Variants in BLK observed in about 807,000 individuals in gnomAD.
The protein encoded by BLK is tyrosine-protein kinase Blk.
A neutral mutation model predicts 61.8 loss-of-function variants in BLK; 64 were observed. The observed-to-expected ratio is 1.03, with a 90% CI of 0.85 to 1.27. The LOEUF is 1.27. Among genes scored for constraint, BLK ranks in the 50% most tolerant of loss-of-function variants. BLK has a pLI of 0.00. For synonymous variants in BLK, 351 were observed against 272.0 expected (o/e 1.29, Z -2.86); for missense variants, 853 against 660.5 (o/e 1.29, Z -3.19).
chr8:11,553,019 TACAC>T (rs755119398), intron 6 of BLK: 1 of 158,902 alleles, frequency 6.3e-6, no homozygotes, highest in Non-Finnish European at 1.4e-5. Context: ...CATGCACATA[TACAC>T]ACACACGCAC....
In BLK at chr8:11,505,126, C is replaced by T. The variant is rs7813169; in HGVS notation, c.-2+10535C>T. Among the ~76,000 whole-genome samples, 284 of 152,274 alleles carry T rather than the reference C, an allele frequency of 1.9e-3. 3 individuals are homozygous for T. The highest frequency in any genetic ancestry group is 6.7e-3 in the African/African-American group (278 of 41,554). On this transcript the variant is annotated intron_variant, in intron 1 of 12. Transcript: ENST00000259089. ...TACACAGGCACACATACAGGTACAT[C>T]TACATGCTTATCAAAAACAACAGCA...
In BLK at chr8:11,551,349, G is replaced by A. The variant is rs544571901; in HGVS notation, c.472+1087G>A. On this transcript the variant is annotated intron_variant, in intron 6 of 12. Coordinates refer to ENST00000259089, the MANE Select transcript of BLK (RefSeq NM_001715.3). The stretch of plus-strand genomic sequence containing the variant: ...CTCTCTCCTTGGCTTGCCGATGGCC[G>A]TCTTCTCTGTGTCCTCACGTGGCCG... Among the ~76,000 whole-genome samples, 20 of 152,272 alleles carry A rather than the reference G, an allele frequency of 1.3e-4. 1 individual carries two copies. The South Asian group carries it at 2.7e-3, about 21-fold the overall frequency.
In BLK at chr8:11,549,010, C is replaced by T. The variant is rs1585398059; in HGVS notation, c.270-14C>T. 1 of 1,598,860 alleles carries T rather than the reference C, an allele frequency of 6.3e-7. No homozygotes were observed. On this transcript the variant is annotated splice_polypyrimidine_tract_variant and intron_variant, in intron 4 of 12. Coordinates refer to ENST00000259089, the MANE Select transcript of BLK (RefSeq NM_001715.3). ...GGGCCATGATCTCATCTCTGTTTCC[C>T]CTGCTCCCATTAGAACTGGAGACTG...
Position 11,562,927 on chromosome 8 carries a change from G to A in BLK, c.1181-52G>A, listed in dbSNP as rs1309608344. On this transcript the variant is annotated intron_variant, in intron 11 of 12. Transcript: ENST00000259089. ...AGCAGGGGTAGGGGTGAGGATGGAGGGTAGGGGCCACCGGCCGTGGCCTCC... is the reference window on the plus strand; with the variant it reads ...AGCAGGGGTAGGGGTGAGGATGGAGAGTAGGGGCCACCGGCCGTGGCCTCC... 5 of 1,612,008 alleles carry A rather than the reference G, an allele frequency of 3.1e-6. No individual in the cohort carries two copies. In the East Asian group the frequency reaches 8.9e-5, roughly 29 times the overall value.
intron 1 of BLK, among the ~76,000 whole-genome samples, chr8:11,537,997 A>T (rs1279630585): frequency 2.0e-5 from 3 of 150,970 alleles, no homozygotes; most frequent in African/African-American, 7.3e-5. Context: ...CCTCTTGCTG[A>T]CTCCCCCGAC....
intron 1 of BLK, among the ~76,000 whole-genome samples, chr8:11,539,797 G>A (rs1290201936): frequency 6.6e-6 from 1 of 152,160 alleles, no homozygotes; most frequent in Non-Finnish European, 1.5e-5. Flanking sequence ...AGGAACAAAT[G>A]AAACAATAAT....
intron 1 of BLK, among the ~76,000 whole-genome samples, chr8:11,515,576 C>G (rs1320470795): frequency 6.6e-6 from 1 of 152,196 alleles, no homozygotes; most frequent in Non-Finnish European, 1.5e-5. Flanking sequence ...ATCTGGATGC[C>G]TGCCTCTATT....
chr8:11,496,615 A>G (rs1798367466), intron 1 of BLK, among the ~76,000 whole-genome samples: 1 of 152,202 alleles, frequency 6.6e-6, no homozygotes, highest in Non-Finnish European at 1.5e-5. Flanking sequence ...TGCCCAGCGA[A>G]GCTCACTGCA....
At chr8:11,520,517 G>C (rs1340208690) in intron 1 of BLK, among the ~76,000 whole-genome samples, 3 of 118,128 alleles carry the variant, frequency 2.5e-5, no homozygotes, top group African/African-American at 9.2e-5. Context: ...GAAAGAAAAA[G>C]AAAGAAAAGA....
chr8:11,533,623 A>G (rs1029685513), intron 1 of BLK, among the ~76,000 whole-genome samples: 1 of 83,144 alleles, frequency 1.2e-5, no homozygotes, highest in African/African-American at 4.0e-5. Flanking sequence ...GGAGAGGAGT[A>G]GGAGGAGGGG....
chr8:11,560,872 G>A (rs796460304), intron 10 of BLK: 83 of 463,532 alleles, frequency 1.8e-4, no homozygotes, highest in African/African-American at 1.4e-3. Flanking sequence ...GCGACTTCCC[G>A]AGGGCCTCCA....
At chr8:11,520,207 T>C (rs11250143) in intron 1 of BLK, among the ~76,000 whole-genome samples, 20,623 of 151,950 alleles carry the variant, frequency 0.14, 1,621 homozygotes, top group East Asian at 0.26. Context: ...CCAGGCACGG[T>C]GGCTCACAAG....
At position 11,563,944 on chromosome 8, in the gene BLK, T is replaced by C; in HGVS notation, c.1354T>C (p.Tyr452His). Reference sequence around the variant, plus strand: ...GGTCATCCGCAACCTGGAGCGCGGCTACCGCATGCCGCGCCCCGACACCTG... The same window carrying C: ...GGTCATCCGCAACCTGGAGCGCGGCCACCGCATGCCGCGCCCCGACACCTG... ...PEVIRNLERG[Y>H]RMPRPDTCPP... is the part of the protein sequence containing the mutation. The change falls in exon 13 of 13, where the codon TAC becomes CAC. Residue 452 changes from tyrosine (Y) to histidine (H), a missense_variant. Coordinates refer to ENST00000259089, the MANE Select transcript of BLK (RefSeq NM_001715.3). The C allele has an allele frequency of 6.2e-7, 1 of 1,607,844 alleles. No homozygotes were observed. The highest frequency in any genetic ancestry group is 1.3e-5 in the African/African-American group (1 of 75,008).
At chr8:11,517,954 G>A (rs1373475698) in intron 1 of BLK, among the ~76,000 whole-genome samples, 1 of 152,204 alleles carries the variant, frequency 6.6e-6, no homozygotes, top group African/African-American at 2.4e-5. Flanking sequence ...ACTGAGGGAG[G>A]GAAGGGGGCT....
At chr8:11,514,309 G>A (rs556417745) in intron 1 of BLK, among the ~76,000 whole-genome samples, 15 of 152,334 alleles carry the variant, frequency 9.8e-5, no homozygotes, top group African/African-American at 3.6e-4. Context: ...CAGCAAATGT[G>A]AGAAAACCCA....
chr8:11,563,133 C>T (rs762935803), intron 12 of BLK, 23 bp downstream of exon 12: 16 of 1,613,174 alleles, frequency 9.9e-6, no homozygotes, highest in East Asian at 6.7e-5. Context: ...CCCCGCAGCT[C>T]GCGGCTCCCT....
chr8:11,520,426 G>A (rs781322657), intron 1 of BLK, among the ~76,000 whole-genome samples: 2 of 133,296 alleles, frequency 1.5e-5, no homozygotes, highest in Non-Finnish European at 3.1e-5. Context: ...GCAGTGAGCC[G>A]TGATCATGCC....
Position 11,543,363 on chromosome 8 carries a change from C to A in BLK, c.123+16C>A. 1 of 1,612,018 alleles carries A rather than the reference C, an allele frequency of 6.2e-7. No individual in the cohort carries two copies. The highest frequency in any genetic ancestry group is 2.2e-5 in the East Asian group (1 of 44,880). The stretch of plus-strand genomic sequence containing the variant: ...GCCGCCCCTGGTGAGTGATTGCCCA[C>A]CCCCACCAAGAGCAGATTACTTACT... On this transcript the variant is annotated intron_variant, in intron 2 of 12. Coordinates refer to ENST00000259089, the MANE Select transcript of BLK (RefSeq NM_001715.3).
chr8:11,561,225 T>A, intron 10 of BLK, 77 bp from the exon 11 acceptor site: 1 of 1,555,960 alleles, frequency 6.4e-7, no homozygotes, highest in Non-Finnish European at 8.7e-7. Context: ...ACAGGGGCTG[T>A]GCGGGGGACA....
Sources: allele counts gnomAD v4.1 joint callset (sites outside exome capture counted in the v4.1 genomes callset), GRCh38; gene constraint gnomAD v4.1.1; transcripts MANE v1.5; gene names NCBI Gene and HGNC (gene_info 2026-07-23, HGNC 2026-07-21).